SSRP1: variants seen among roughly 807,000 people sequenced by gnomAD.
SSRP1 encodes structure specific recognition protein 1.
In SSRP1, 21 loss-of-function variants were observed where a neutral mutation model predicts 84.4. That is an observed-to-expected ratio of 0.25 (90% confidence interval 0.18 to 0.36). SSRP1 has a LOEUF of 0.36. SSRP1 is among the 10% of genes least tolerant of loss of function. The pLI is 1.00. For synonymous variants in SSRP1, 319 were observed against 318.3 expected, an observed-to-expected ratio of 1.00 and a Z score of -0.02; for missense variants, 519 against 900.8, an observed-to-expected ratio of 0.58 and a Z score of 5.43.
intron 16 of SSRP1, 102 bp downstream of exon 16, chr11:57,326,601 T>A: frequency 6.6e-7 from 1 of 1,511,866 alleles, no homozygotes. Context: ...AACCTCAGAA[T>A]TCCACCATCC....
At position 57,330,373 on chromosome 11, in the gene SSRP1, G is replaced by C. The variant is rs1856064841; in HGVS notation, c.1353C>G (p.Ala451=). 1 of 1,614,014 alleles carries C rather than the reference G, an allele frequency of 6.2e-7. No homozygotes were observed. Among genetic ancestry groups the C allele is most frequent in the Non-Finnish European group, 8.5e-7 (1 of 1,180,034 alleles). ...CTTCCTCCTTCATCCTCTCCAAGTA[G>C]GCATCATGCTGGTCCTCATCAGAGT... The part of the protein sequence containing the change: ...YADSDEDQHD[A]YLERMKEEGK... The change falls in exon 11 of 17, where the codon GCC becomes GCG. Residue 451 remains alanine, a synonymous_variant. Coordinates refer to ENST00000278412, the MANE Select transcript of SSRP1 (RefSeq NM_003146.3). This position sits in a 1 kb window ranked among gnomAD's most constrained non-coding sequence, Gnocchi z 4.0.
At chr11:57,327,268 T>C (rs1856004266) in intron 15 of SSRP1, 158 bp downstream of exon 15, 2 of 773,830 alleles carry the variant, frequency 2.6e-6, no homozygotes. Context: ...GTGTCACCCA[T>C]ACTTGGGCAA....
intron 2 of SSRP1, 86 bp downstream of exon 2, chr11:57,334,982 T>C: frequency 6.6e-7 from 1 of 1,506,966 alleles, no homozygotes; most frequent in South Asian, 1.1e-5. Context: ...CAAAATAACG[T>C]TACCAAAGCA....
rs1856058813 is a variant in SSRP1 at position 57,330,037 on chromosome 11, G to A, written c.1481+56C>T. The A allele has an allele frequency of 5.0e-6, 8 of 1,604,948 alleles. No homozygotes were observed. Among genetic ancestry groups the A allele is most frequent in the Non-Finnish European group, 6.8e-6 (8 of 1,171,812 alleles). ...CTGAGAAATGTCCAGAAATCTTCTG[G>A]TCCCTTAAGCTTATGGGTCACCATC... On this transcript the variant is annotated intron_variant, in intron 12 of 16. Coordinates refer to ENST00000278412, the MANE Select transcript of SSRP1 (RefSeq NM_003146.3). The surrounding 1 kb of genome is among the most constrained non-coding windows in gnomAD (Gnocchi z 4.0).
chr11:57,327,554 T>G (rs748573393), intron 14 of SSRP1, 40 bp from the exon 15 acceptor site: 1 of 1,611,442 alleles, frequency 6.2e-7, no homozygotes, highest in Non-Finnish European at 8.5e-7. Flanking sequence ...GAATAAGACC[T>G]CTCCCATCTC....
At chr11:57,333,754 T>C (rs1856145849) in intron 3 of SSRP1, among the ~76,000 whole-genome samples, 1 of 152,250 alleles carries the variant, frequency 6.6e-6, no homozygotes, top group East Asian at 1.9e-4. Context: ...GCCATCTGAC[T>C]TTATAAACTT....
Position 57,335,357 on chromosome 11 carries a change from A to T in SSRP1, c.-119-117T>A, listed in dbSNP as rs1856191689. Reference sequence around the variant, plus strand: ...ATGTCTCAGGATTTCCTCTGCCTGGAAACCTACAGACGGACGCTGCAGTGC... The same window carrying T: ...ATGTCTCAGGATTTCCTCTGCCTGGTAACCTACAGACGGACGCTGCAGTGC... On this transcript the variant is annotated intron_variant, in intron 1 of 16. Coordinates refer to ENST00000278412, the MANE Select transcript of SSRP1 (RefSeq NM_003146.3). The surrounding 1 kb of genome is among the most constrained non-coding windows in gnomAD (Gnocchi z 4.6). 2.0e-6 allele frequency: 1 copy of T among 505,772 alleles called. No individual in the cohort carries two copies. Among genetic ancestry groups the T allele is most frequent in the East Asian group, 3.8e-5 (1 of 26,298 alleles). The allele number at this position is 505,772 out of a possible 1,614,324, so 31.3% of individuals were successfully genotyped here.
Position 57,332,516 on chromosome 11 carries a change from T to C in SSRP1, c.769-30A>G. On this transcript the variant is annotated intron_variant, in intron 6 of 16. Transcript: ENST00000278412. The surrounding 1 kb of genome is among the most constrained non-coding windows in gnomAD (Gnocchi z 5.5). Reference sequence around the variant, plus strand: ...TAAGGAAGAGTACTAATTGACACTCTACAACAACTTGCAATTAACCAACGT... The same window carrying C: ...TAAGGAAGAGTACTAATTGACACTCCACAACAACTTGCAATTAACCAACGT... 1.2e-6 allele frequency: 2 copies of C among 1,611,686 alleles called. No homozygotes were observed. Among genetic ancestry groups the C allele is most frequent in the Non-Finnish European group, 1.7e-6 (2 of 1,177,986 alleles).
chr11:57,332,847 G>C lies in SSRP1; in HGVS notation c.546C>G (p.Ala182=), dbSNP rs763591344. The part of the protein sequence containing the change: ...EDGVDPVEAF[A]QNVLSKADVI... ...CATCCGCCTTTGACAACACATTCTGGGCAAAGGCCTGCAAAAGCACATATT... is the reference window on the plus strand; with the variant it reads ...CATCCGCCTTTGACAACACATTCTGCGCAAAGGCCTGCAAAAGCACATATT... Residue 182 remains alanine (A), a synonymous_variant, in exon 6 of 17, where the codon GCC becomes GCG. Transcript: ENST00000278412. The surrounding 1 kb of genome is among the most constrained non-coding windows in gnomAD (Gnocchi z 5.5). 9.9e-6 allele frequency: 16 copies of C among 1,610,292 alleles called. No individual in the cohort carries two copies. Among genetic ancestry groups the C allele is most frequent in the Non-Finnish European group, 1.4e-5 (16 of 1,177,092 alleles).
rs1283065044 is a variant in SSRP1 at position 57,326,902 on chromosome 11, G to C, written c.1872-13C>G. ...CTTTGACTTGTCCCTGTATTGGCAA[G>C]AGGGAAGAGGAGCTGGGCCTTCAGG... On this transcript the variant is annotated splice_polypyrimidine_tract_variant and intron_variant, in intron 15 of 16. Coordinates refer to ENST00000278412, the MANE Select transcript of SSRP1 (RefSeq NM_003146.3). 3 of 1,574,502 alleles carry C rather than the reference G, an allele frequency of 1.9e-6. No individual in the cohort carries two copies. In the African/African-American group the frequency reaches 4.1e-5, roughly 21 times the overall value.
intron 12 of SSRP1, chr11:57,329,734 C>T: frequency 2.8e-6 from 1 of 358,044 alleles, no homozygotes; most frequent in Non-Finnish European, 5.1e-6. Flanking sequence ...GGTACTACTG[C>T]ATTTCTACTG....
Position 57,330,148 on chromosome 11 carries a change from G to A in SSRP1, c.1436-10C>T. 1 of 1,614,078 alleles carries A rather than the reference G, an allele frequency of 6.2e-7. No homozygotes were observed. Among genetic ancestry groups the A allele is most frequent in the Non-Finnish European group, 8.5e-7 (1 of 1,180,026 alleles). On this transcript the variant is annotated splice_polypyrimidine_tract_variant and intron_variant, in intron 11 of 16. Coordinates refer to ENST00000278412, the MANE Select transcript of SSRP1 (RefSeq NM_003146.3). The surrounding 1 kb of genome is among the most constrained non-coding windows in gnomAD (Gnocchi z 4.0). ...GGGTTGAATGACTCATCTGAAAAAG[G>A]GCACAGGATGCATCAGCTTCTGCCC...
Position 57,330,726 on chromosome 11 carries a change from C to T in SSRP1, c.1296+129G>A. ...CTGCACCAGGAGGGGGAAAGGGTCA[C>T]ACGCACCTCTTTTTTCTATAAGGGT... On this transcript the variant is annotated intron_variant, in intron 10 of 16. Transcript: ENST00000278412. This position sits in a 1 kb window ranked among gnomAD's most constrained non-coding sequence, Gnocchi z 4.0. 2.0e-6 allele frequency: 3 copies of T among 1,521,354 alleles called. No homozygotes were observed. The highest frequency in any genetic ancestry group is 2.4e-5 in the East Asian group (1 of 41,554). The allele number at this position is 1,521,354 out of a possible 1,614,324, so 94.2% of individuals were successfully genotyped here.
At position 57,330,251 on chromosome 11, in the gene SSRP1, C is replaced by T. The variant is rs771600156; in HGVS notation, c.1435+40G>A. On this transcript the variant is annotated intron_variant, in intron 11 of 16. Transcript: ENST00000278412. This position sits in a 1 kb window ranked among gnomAD's most constrained non-coding sequence, Gnocchi z 4.0. The stretch of plus-strand genomic sequence containing the variant: ...GTCCAGCCCGGGCCACAGCGAGGAG[C>T]GTCTGACCATCCTCGTGCTCAGCAC... The T allele has an allele frequency of 1.2e-6, 2 of 1,614,092 alleles. No homozygotes were observed. The highest frequency in any genetic ancestry group is 1.1e-5 in the South Asian group (1 of 91,062).
rs202099670 is a variant in SSRP1, at chr11:57,331,877, G to A, written c.1014C>T (p.Ala338=). ...CCTTGTAGGAACAGGTAATGCACTG[G>A]GCCCCTGAGTGCCTGACAGAGGGTG... ...VPGNFQGHSG[A]QCITCSYKAS... The change falls in exon 9 of 17, where the codon GCC becomes GCT. Residue 338 remains alanine, a synonymous_variant. Transcript: ENST00000278412. 733 of 1,612,286 alleles carry A rather than the reference G, an allele frequency of 4.5e-4. 3 individuals carry two copies. The highest frequency in any genetic ancestry group is 3.8e-4 in the Non-Finnish European group (454 of 1,179,276).
intron 12 of SSRP1, chr11:57,328,753 C>G (rs949985370): frequency 4.2e-6 from 1 of 237,210 alleles, no homozygotes; most frequent in Non-Finnish European, 8.1e-6. Context: ...GGCAGAAACA[C>G]TGCCTCATTC....
chr11:57,326,653 CA>C, intron 16 of SSRP1, 49 bp downstream of exon 16: 1 of 1,597,722 alleles, frequency 6.3e-7, no homozygotes, highest in Non-Finnish European at 8.5e-7. Context: ...CACACAGACA[CA>C]CATGCCCCTC....
At position 57,330,114 on chromosome 11, in the gene SSRP1, T is replaced by G; in HGVS notation, c.1460A>C (p.Glu487Ala). 6.2e-7 allele frequency: 1 copy of G among 1,614,140 alleles called. No individual in the cohort carries two copies. The highest frequency in any genetic ancestry group is 1.1e-5 in the South Asian group (1 of 91,074). Residue 487 changes from glutamate (E) to alanine (A), a missense_variant, in exon 12 of 17, where the codon GAG (glutamate) becomes GCG (alanine). Physicochemically the swap from Glu to Ala is moderately radical, Grantham distance 107. Coordinates refer to ENST00000278412, the MANE Select transcript of SSRP1 (RefSeq NM_003146.3). The surrounding 1 kb of genome is among the most constrained non-coding windows in gnomAD (Gnocchi z 4.0). ...ETDESFNPGE[E>A]EEDVAEEFDS... ...TCACTCCTCTGCCACATCTTCCTCCTCTTCACCTGGGTTGAATGACTCATC... is the reference window on the plus strand; with the variant it reads ...TCACTCCTCTGCCACATCTTCCTCCGCTTCACCTGGGTTGAATGACTCATC...
At chr11:57,327,277 A>G in intron 15 of SSRP1, 149 bp downstream of exon 15, 1 of 820,172 alleles carries the variant, frequency 1.2e-6, no homozygotes, top group South Asian at 1.7e-5. Flanking sequence ...ATACTTGGGC[A>G]ATGGCCTACC....
Sources: allele counts gnomAD v4.1 joint callset (sites outside exome capture counted in the v4.1 genomes callset), GRCh38; gene constraint gnomAD v4.1.1; non-coding constraint Gnocchi (gnomAD v3.1); transcripts MANE v1.5; gene names NCBI Gene and HGNC (gene_info 2026-07-23, HGNC 2026-07-21).